Variants in PDE4DIP observed in about 807,000 individuals in gnomAD.
PDE4DIP encodes the protein myomegalin.
In PDE4DIP, 59 loss-of-function variants were observed where a neutral mutation model predicts 221.4. The observed-to-expected ratio is 0.27, with a 90% CI of 0.22 to 0.33. The LOEUF is 0.33. PDE4DIP is among the 10% of genes least tolerant of loss of function. The pLI is 1.00. For synonymous variants in PDE4DIP, 404 were observed against 815.9 expected (o/e 0.50, Z 8.60); for missense variants, 1,036 against 2,154.2 (o/e 0.48, Z 10.28).
chr1:148,998,091 T>G lies in PDE4DIP; in HGVS notation c.2905-52T>G, dbSNP rs782390978. 3 of 811,814 alleles carry G rather than the reference T, an allele frequency of 3.7e-6. No homozygotes were observed. The East Asian group carries it at 7.4e-5, about 20-fold the overall frequency. 50.3% of individuals were successfully genotyped at this position (811,814 alleles called of 1,614,324 possible). A position where few individuals can be genotyped will look rare whatever the true frequency, so the allele number is the denominator to read the frequency against. Reference sequence around the variant, plus strand: ...AACTGCCTTTGCAATCTCATGTTTCTCTTGGGTCCTCTTTAATGGCCTAAC... The same window carrying G: ...AACTGCCTTTGCAATCTCATGTTTCGCTTGGGTCCTCTTTAATGGCCTAAC... On this transcript the variant is annotated intron_variant, in intron 22 of 43. Transcript: ENST00000369354.
intron 2 of PDE4DIP, among the ~76,000 whole-genome samples, chr1:148,866,702 G>A (rs1397230361): frequency 1.8e-5 from 1 of 54,904 alleles, no homozygotes; most frequent in African/African-American, 1.6e-4. Context: ...AATAAAGAAA[G>A]AGAAAGGAAG....
intron 1 of PDE4DIP, among the ~76,000 whole-genome samples, chr1:148,902,725 T>TC (rs2040910125): frequency 1.1e-5 from 1 of 92,654 alleles, no homozygotes; most frequent in Non-Finnish European, 1.9e-5. Flanking sequence ...ATCATATATA[T>TC]ATATATATAT....
rs782534427 is a variant in PDE4DIP at position 148,965,469 on chromosome 1, A to G, written c.1195-15A>G. 2 of 1,504,006 alleles carry G rather than the reference A, an allele frequency of 1.3e-6. No homozygotes were observed. The highest frequency in any genetic ancestry group is 2.2e-5 in the East Asian group (1 of 44,452). The allele number at this position is 1,504,006 out of a possible 1,614,324, so 93.2% of individuals were successfully genotyped here. On this transcript the variant is annotated splice_polypyrimidine_tract_variant and intron_variant, in intron 9 of 43. Coordinates refer to ENST00000369354, the Ensembl canonical transcript of PDE4DIP. Reference sequence around the variant, plus strand: ...AATTTTAGATCTCTTTAAAAAGGTAATATGTTTAATTCAGGAATTGCGAAA... The same window carrying G: ...AATTTTAGATCTCTTTAAAAAGGTAGTATGTTTAATTCAGGAATTGCGAAA...
At chr1:148,981,552 AACTGGT>A in intron 21 of PDE4DIP, 155 bp downstream of exon 24, 1 of 835,714 alleles carries the variant, frequency 1.2e-6, no homozygotes, top group Non-Finnish European at 1.9e-6. Context: ...CTAATGATAG[AACTGGT>A]ACAAGTAGCA....
chr1:148,949,752 T>C (rs1334198712), intron 5 of PDE4DIP, among the ~76,000 whole-genome samples: 1 of 152,188 alleles, frequency 6.6e-6, no homozygotes, highest in African/African-American at 2.4e-5. Flanking sequence ...TATTTTATAA[T>C]GCCAAATGCT....
chr1:148,940,195 GACTTAAAGA>G (rs2050204814), intron 5 of PDE4DIP, among the ~76,000 whole-genome samples: 1 of 143,590 alleles, frequency 7.0e-6, no homozygotes, highest in South Asian at 2.4e-4. Context: ...TTTCAGAACA[GACTTAAAGA>G]ACCAAAAGAT....
rs2073872859 is a variant in PDE4DIP, at chr1:149,023,609, T to TATATATGTACATGTATATGTGC, written c.6086-836_6086-835insATATATGTACATGTATATGTGC. Among the ~76,000 whole-genome samples, 2 of 87,506 alleles carry TATATATGTACATGTATATGTGC rather than the reference T, an allele frequency of 2.3e-5. 1 individual carries two copies. The highest frequency in any genetic ancestry group is 4.6e-5 in the Non-Finnish European group (2 of 43,478). The allele number at this position is 87,506 out of a possible 152,430, so 57.4% of individuals were successfully genotyped here. ...TGTCATATATGTACATGTATATGTG[T>TATATATGTACATGTATATGTGC]GCACATATATATGTACATGTATATG... is the stretch of plus-strand genomic sequence containing the variant. On this transcript the variant is annotated intron_variant, in intron 37 of 43. Coordinates refer to ENST00000369354, the Ensembl canonical transcript of PDE4DIP.
At chr1:149,010,711 A>G in intron 31 of PDE4DIP, 116 bp downstream of exon 34, 4 of 853,826 alleles carry the variant, frequency 4.7e-6, no homozygotes, top group Non-Finnish European at 7.5e-6. Flanking sequence ...CAAAACCTAG[A>G]CAGAATCGAG....
rs587736653 is a variant in PDE4DIP at position 148,987,064 on chromosome 1, C to T, written c.2816-4821C>T. ...CCAGAATTTTAATGGGATTTCATAC[C>T]CCCAAAAGTATTTTAGATTATGATT... On this transcript the variant is annotated intron_variant, in intron 21 of 43. Transcript: ENST00000369354. 5.3e-5 allele frequency among the ~76,000 whole-genome samples: 8 copies of T among 152,156 alleles called. No homozygotes were observed. In the South Asian group the frequency reaches 1.0e-3, roughly 20 times the overall value.
rs782732293 is a variant in PDE4DIP, at chr1:148,978,274, C to T, written c.2437-4C>T. On this transcript the variant is annotated splice_region_variant and splice_polypyrimidine_tract_variant and intron_variant, in intron 18 of 43. Coordinates refer to ENST00000369354, the Ensembl canonical transcript of PDE4DIP. ...CACATCCATACTTATTTTTTGACTT[C>T]TAGGACCTGCAAATGCAACTGGTTG... 2 of 1,597,384 alleles carry T rather than the reference C, an allele frequency of 1.3e-6. No individual in the cohort carries two copies. The highest frequency in any genetic ancestry group is 8.5e-7 in the Non-Finnish European group (1 of 1,169,680).
At chr1:148,881,775 TGG>T (rs1335398876) in intron 3 of PDE4DIP, among the ~76,000 whole-genome samples, 5 of 143,556 alleles carry the variant, frequency 3.5e-5, no homozygotes, top group Non-Finnish European at 7.4e-5. Context: ...GTATGCAGTA[TGG>T]GGTCAAACTG....
At chr1:148,893,063 G>C (rs1699261262) in intron 1 of PDE4DIP, among the ~76,000 whole-genome samples, 1 of 64,622 alleles carries the variant, frequency 1.5e-5, no homozygotes, top group South Asian at 6.7e-4. Flanking sequence ...ATATGTGTGT[G>C]TCTGTGTGTG....
intron 1 of PDE4DIP, among the ~76,000 whole-genome samples, chr1:148,838,446 T>A (rs1312916214): frequency 1.5e-4 from 6 of 39,186 alleles, no homozygotes; most frequent in African/African-American, 4.5e-4. Flanking sequence ...TCTTGGAATT[T>A]ATTTTTGCCC....
chr1:148,962,618 A>C lies in PDE4DIP; in HGVS notation c.1172A>C (p.Glu391Ala), dbSNP rs1324366. Residue 391 changes from glutamate to alanine, a missense_variant, in exon 9 of 44, where the codon GAG becomes GCG. Physicochemically the swap from Glu to Ala is moderately radical, Grantham distance 107. Transcript: ENST00000369354. ...GCACACGAGAGTGAACAGCAGAAAG[A>C]GGCTTCTTGGAAACATAACCAGGTA... The C allele has an allele frequency of 5.8e-3, 3,384 of 583,730 alleles. 92 individuals are homozygous for C. In the African/African-American group the frequency reaches 0.067, roughly 12 times the overall value. 36.2% of individuals were successfully genotyped at this position (583,730 alleles called of 1,614,324 possible).
chr1:148,968,063 C>T (rs1222004995), intron 13 of PDE4DIP, among the ~76,000 whole-genome samples, 158 bp downstream of exon 16: 1 of 150,414 alleles, frequency 6.6e-6, no homozygotes, highest in Non-Finnish European at 1.5e-5. Context: ...TTTTTTTCCC[C>T]ACGTCTAGAA....
At chr1:148,938,687 T>C (rs1159631405) in intron 5 of PDE4DIP, among the ~76,000 whole-genome samples, 1 of 151,956 alleles carries the variant, frequency 6.6e-6, no homozygotes, top group African/African-American at 2.4e-5. Context: ...TATATTGGAG[T>C]ATGAACCTTC....
chr1:148,929,168 A>G lies in PDE4DIP; in HGVS notation c.142-29A>G, dbSNP rs373955800. 7.4e-6 allele frequency: 12 copies of G among 1,612,146 alleles called. No homozygotes were observed. The African/African-American group carries it at 1.2e-4, about 16-fold the overall frequency. ...CAGGAAAGAGTGTCTGTGGCAGTTA[A>G]TAACGATTAATGCCTGTGTGTTTTT... On this transcript the variant is annotated intron_variant, in intron 1 of 43. Transcript: ENST00000369354.
intron 12 of PDE4DIP, among the ~76,000 whole-genome samples, chr1:148,967,493 T>G (rs2058400068): frequency 6.6e-6 from 1 of 152,188 alleles, no homozygotes; most frequent in African/African-American, 2.4e-5. Flanking sequence ...GTGCACTTCC[T>G]CCAAAATACT....
intron 5 of PDE4DIP, among the ~76,000 whole-genome samples, chr1:148,958,903 G>C (rs1483354854): frequency 1.1e-4 from 16 of 151,944 alleles, no homozygotes; most frequent in Non-Finnish European, 2.4e-4. Flanking sequence ...TAGCCACAGA[G>C]GCCTTTCTCT....
Sources: allele counts gnomAD v4.1 joint callset (sites outside exome capture counted in the v4.1 genomes callset), GRCh38; gene constraint gnomAD v4.1.1; transcripts MANE v1.5; gene names NCBI Gene and HGNC (gene_info 2026-07-23, HGNC 2026-07-21).